DNAAF9: variants seen among roughly 807,000 people sequenced by gnomAD.
DNAAF9 encodes shulin.
A neutral mutation model predicts 167.0 loss-of-function variants in DNAAF9; 90 were observed. That is an observed-to-expected ratio of 0.54 (90% CI 0.45 to 0.64). The LOEUF (loss-of-function observed/expected upper bound fraction) is 0.64. DNAAF9 is among the 30% of genes least tolerant of loss of function. DNAAF9 has a pLI of 0.00. For synonymous variants in DNAAF9, 491 were observed against 508.8 expected, an observed-to-expected ratio of 0.96 and a Z score of 0.47; for missense variants, 1,315 against 1,442.2, an observed-to-expected ratio of 0.91 and a Z score of 1.43.
chr20:3,252,621 T>C lies in DNAAF9; in HGVS notation c.3485A>G (p.Gln1162Arg). The C allele has an allele frequency of 2.5e-6, 4 of 1,613,378 alleles. No individual in the cohort carries two copies. Among genetic ancestry groups the C allele is most frequent in the Admixed American group, 1.7e-5 (1 of 60,028 alleles). ...EANREIEKYN[Q>R]ELEQQEYHDL... Reference sequence around the variant, plus strand: ...ATGATACTCCTGCTGTTCCAGCTCCTGGTTATACTTCTCAATTTCCCGGTT... The same window carrying C: ...ATGATACTCCTGCTGTTCCAGCTCCCGGTTATACTTCTCAATTTCCCGGTT... The change falls in exon 37 of 37, where the codon CAG becomes CGG. Residue 1162 changes from glutamine to arginine, a missense_variant. Around this residue, in one of 2 missense-constraint regions of DNAAF9, gnomAD observed 334 missense variants for 429.7 expected, o/e 0.78. Transcript: ENST00000252032.
chr20:3,294,050 C>A, intron 25 of DNAAF9, 89 bp downstream of exon 25: 3 of 768,864 alleles, frequency 3.9e-6, no homozygotes, highest in East Asian at 2.4e-5. Flanking sequence ...CATCTAAGTT[C>A]TTTTTGTTAA....
intron 29 of DNAAF9, among the ~76,000 whole-genome samples, chr20:3,276,591 C>T (rs184043932): frequency 1.3e-3 from 202 of 152,344 alleles, no homozygotes; most frequent in African/African-American, 4.4e-3. Flanking sequence ...AGGGCTGCCC[C>T]TGATTCAATG....
rs1414181266 is a variant in DNAAF9 at position 3,252,413 on chromosome 20, A to G, written c.*159T>C. On this transcript the variant is annotated 3_prime_UTR_variant, in exon 37 of 37. Transcript: ENST00000252032. ...CAGGTGATGCTCTTCAGCGCTATAC[A>G]GGGAATAAAGACAACATGCACTCAA... The G allele has an allele frequency of 2.4e-5, 14 of 593,626 alleles. No individual in the cohort carries two copies. The highest frequency in any genetic ancestry group is 3.7e-5 in the Non-Finnish European group (12 of 328,390). The allele number at this position is 593,626 out of a possible 1,614,324, so 36.8% of individuals were successfully genotyped here.
intron 16 of DNAAF9, among the ~76,000 whole-genome samples, chr20:3,319,082 CAAAAAA>C (rs71195834): frequency 4.2e-5 from 3 of 71,136 alleles, no homozygotes; most frequent in African/African-American, 6.2e-5. Flanking sequence ...GACTCTGTCT[CAAAAAA>C]AAAAAAAAAA....
intron 30 of DNAAF9, among the ~76,000 whole-genome samples, chr20:3,267,758 CCAGGAGGTGGAGGTTG>C (rs2068514599): frequency 6.6e-6 from 1 of 152,000 alleles, no homozygotes; most frequent in African/African-American, 2.4e-5. Flanking sequence ...TCACTTGAAT[CCAGGAGGTGGAGGTTG>C]CAGTGAGCTG....
intron 7 of DNAAF9, among the ~76,000 whole-genome samples, chr20:3,351,401 T>C (rs1432031459): frequency 6.6e-6 from 1 of 152,006 alleles, no homozygotes; most frequent in Non-Finnish European, 1.5e-5. Context: ...GGAGAATCAC[T>C]TGAACCTAGG....
intron 27 of DNAAF9, among the ~76,000 whole-genome samples, chr20:3,285,315 G>A (rs192484184): frequency 6.6e-6 from 1 of 152,258 alleles, no homozygotes; most frequent in East Asian, 1.9e-4. Flanking sequence ...GGGAGGCTGA[G>A]GTGGGAAGAT....
At chr20:3,267,833 TAAATA>T (rs1308967965) in intron 30 of DNAAF9, among the ~76,000 whole-genome samples, 1 of 152,080 alleles carries the variant, frequency 6.6e-6, no homozygotes, top group Non-Finnish European at 1.5e-5. Context: ...AGACTCTGTC[TAAATA>T]AAATAAAATA....
intron 7 of DNAAF9, among the ~76,000 whole-genome samples, chr20:3,354,944 G>A (rs1257566970): frequency 6.6e-6 from 1 of 152,112 alleles, no homozygotes; most frequent in Admixed American, 6.6e-5. Context: ...GCATGATGTC[G>A]CTGCTGTTCC....
intron 31 of DNAAF9, among the ~76,000 whole-genome samples, chr20:3,263,198 T>C (rs1266822559): frequency 6.6e-6 from 1 of 152,030 alleles, no homozygotes; most frequent in African/African-American, 2.4e-5. Flanking sequence ...ATGGTCTCGA[T>C]CTTCTGACCT....
At chr20:3,346,966 A>G (rs972325755) in intron 8 of DNAAF9, among the ~76,000 whole-genome samples, 2 of 152,200 alleles carry the variant, frequency 1.3e-5, no homozygotes, top group African/African-American at 4.8e-5. Context: ...TTAACAGCGA[A>G]ACACTTTCCA....
chr20:3,365,632 T>C (rs2123194669), intron 6 of DNAAF9, among the ~76,000 whole-genome samples: 1 of 152,292 alleles, frequency 6.6e-6, no homozygotes, highest in East Asian at 1.9e-4. Flanking sequence ...CCTCAGGTGA[T>C]CCGCCCACCT....
intron 7 of DNAAF9, among the ~76,000 whole-genome samples, chr20:3,356,598 CT>C (rs1048253314): frequency 6.6e-6 from 1 of 151,986 alleles, no homozygotes; most frequent in South Asian, 2.1e-4. Flanking sequence ...TGCTTTTTCC[CT>C]TTTTTTTCTT....
intron 6 of DNAAF9, among the ~76,000 whole-genome samples, chr20:3,366,813 TAGGTGGGAGGCTG>T (rs1426563561): frequency 6.6e-6 from 1 of 150,938 alleles, no homozygotes; most frequent in African/African-American, 2.4e-5. Context: ...TAGTCCCAGC[TAGGTGGGAGGCTG>T]AGGTGGGAGG....
chr20:3,267,372 C>T (rs2122785889), intron 30 of DNAAF9, among the ~76,000 whole-genome samples: 1 of 152,240 alleles, frequency 6.6e-6, no homozygotes, highest in South Asian at 2.1e-4. Context: ...TCACCTTGTA[C>T]TTTCCTTGAC....
chr20:3,330,436 C>G (rs2069802942), intron 12 of DNAAF9, among the ~76,000 whole-genome samples: 2 of 151,872 alleles, frequency 1.3e-5, no homozygotes, highest in African/African-American at 4.8e-5. Flanking sequence ...GAGACAGGGT[C>G]TGCTTATGTT....
At chr20:3,277,511 G>A (rs2068693775) in intron 29 of DNAAF9, among the ~76,000 whole-genome samples, 1 of 151,916 alleles carries the variant, frequency 6.6e-6, no homozygotes, top group African/African-American at 2.4e-5. Flanking sequence ...GTTATCTCCT[G>A]GACCTATGTT....
At chr20:3,401,933 G>A (rs1042379554) in intron 1 of DNAAF9, among the ~76,000 whole-genome samples, 2 of 152,184 alleles carry the variant, frequency 1.3e-5, no homozygotes, top group Non-Finnish European at 2.9e-5. Context: ...TAGAAGGGAC[G>A]CCAGCACGGG....
chr20:3,350,486 G>C (rs1233706530), intron 7 of DNAAF9, among the ~76,000 whole-genome samples: 2 of 152,182 alleles, frequency 1.3e-5, no homozygotes, highest in African/African-American at 4.8e-5. Flanking sequence ...GGGAGACAGA[G>C]AGAGAGAAAG....
Sources: gnomAD v4.1 joint callset for allele counts (sites outside exome capture counted in the v4.1 genomes callset) on GRCh38, gnomAD v4.1.1 for gene constraint, gnomAD v4.1.1 regional missense constraint, MANE v1.5 for transcripts, NCBI Gene and HGNC (gene_info 2026-07-23, HGNC 2026-07-21) for gene names.